The following SH3BP2 variants were observed in gnomAD, a reference collection of about 807,000 sequenced individuals.
SH3BP2 encodes SH3 domain-binding protein 2.
SH3BP2 carries 38 observed loss-of-function variants against 56.2 expected under a neutral mutation model. The ratio of observed to expected loss-of-function variants is 0.68; its 90% CI spans 0.52 to 0.89. SH3BP2 has a LOEUF of 0.89. SH3BP2 is among the 40% of genes least tolerant of loss of function. The pLI is 0.00. For missense variants in SH3BP2, 748 were observed against 762.6 expected, an observed-to-expected ratio of 0.98 and a Z score of 0.23; for synonymous variants, 346 against 316.7, an observed-to-expected ratio of 1.09 and a Z score of -0.98.
At chr4:2,814,395 C>T (rs755166501) in intron 1 of SH3BP2, among the ~76,000 whole-genome samples, 2 of 152,204 alleles carry the variant, frequency 1.3e-5, no homozygotes, top group African/African-American at 4.8e-5. Flanking sequence ...GCCTTGGGGT[C>T]ACCTGAACCA....
At chr4:2,818,647 A>T (rs1724129644) in intron 1 of SH3BP2, 2 of 891,228 alleles carry the variant, frequency 2.2e-6, no homozygotes, top group African/African-American at 1.8e-5. Flanking sequence ...CTCCATCCCC[A>T]CTGCGGGGCT....
chr4:2,832,202 C>T (rs555366707), intron 10 of SH3BP2, 129 bp from the exon 11 acceptor site: 42 of 1,022,784 alleles, frequency 4.1e-5, no homozygotes, highest in Middle Eastern at 2.0e-4. Flanking sequence ...CACGGCAGCC[C>T]GACGTGCTCA....
chr4:2,802,938 G>A (rs1248198668), intron 1 of SH3BP2, among the ~76,000 whole-genome samples: 1 of 152,192 alleles, frequency 6.6e-6, no homozygotes, highest in Non-Finnish European at 1.5e-5. Flanking sequence ...GAGGAGCCAT[G>A]ATGGGGGCCA....
At chr4:2,828,524 T>C (rs1724800638) in intron 7 of SH3BP2, among the ~76,000 whole-genome samples, 1 of 152,314 alleles carries the variant, frequency 6.6e-6, no homozygotes, top group South Asian at 2.1e-4. Flanking sequence ...TTTCCTTCCA[T>C]GCAGAGCTCT....
chr4:2,834,161 T>TG lies in SH3BP2; in HGVS notation c.*330dup, dbSNP rs1315396624. The TG allele has an allele frequency of 3.7e-6, 1 of 269,848 alleles. No individual in the cohort carries two copies. Among genetic ancestry groups the TG allele is most frequent in the Non-Finnish European group, 7.1e-6 (1 of 141,440 alleles). The allele number at this position is 269,848 out of a possible 1,614,324, so 16.7% of individuals were successfully genotyped here. A position where few individuals can be genotyped will look rare whatever the true frequency, so the allele number is the denominator to read the frequency against. Reference sequence around the variant, plus strand: ...TCCCCCCATCACACTCACCCCTAAGTGGGCTGGGAGCCAGGCAGGGCCAGG... The same window carrying TG: ...TCCCCCCATCACACTCACCCCTAAGTGGGGCTGGGAGCCAGGCAGGGCCAGG... On this transcript the variant is annotated 3_prime_UTR_variant, in exon 13 of 13. Coordinates refer to ENST00000503393, the MANE Select transcript of SH3BP2 (RefSeq NM_001122681.2).
intron 1 of SH3BP2, chr4:2,796,333 G>T: frequency 1.2e-6 from 1 of 851,840 alleles, no homozygotes; most frequent in Non-Finnish European, 1.4e-6. Context: ...TCCCAGGAGG[G>T]GAGAAAGGTG....
intron 1 of SH3BP2, among the ~76,000 whole-genome samples, chr4:2,814,372 G>A (rs1317067221): frequency 1.3e-5 from 2 of 152,194 alleles, no homozygotes; most frequent in Non-Finnish European, 2.9e-5. Context: ...GCCCCCCACC[G>A]CAGCAGCCTC....
At chr4:2,823,202 T>G (rs1309628573) in intron 3 of SH3BP2, among the ~76,000 whole-genome samples, 165 bp downstream of exon 3, 1 of 152,132 alleles carries the variant, frequency 6.6e-6, no homozygotes, top group African/African-American at 2.4e-5. Context: ...CCACAGTGCC[T>G]CGCCCTCTCC....
intron 1 of SH3BP2, chr4:2,799,246 A>G: frequency 2.0e-6 from 2 of 985,054 alleles, no homozygotes; most frequent in Non-Finnish European, 2.4e-6. Flanking sequence ...TCCCCTCGGG[A>G]CCCTCACCGC....
intron 1 of SH3BP2, chr4:2,812,096 A>G: frequency 8.6e-7 from 1 of 1,160,630 alleles, no homozygotes; most frequent in Non-Finnish European, 1.1e-6. Flanking sequence ...GCCTCTGACC[A>G]CAGGATGGGA....
At chr4:2,795,979 G>C (rs899301444) in intron 1 of SH3BP2, among the ~76,000 whole-genome samples, 21 of 152,170 alleles carry the variant, frequency 1.4e-4, no homozygotes, top group Admixed American at 3.3e-4. Context: ...AGCATTTCAG[G>C]CTCACTGGCT....
At chr4:2,797,834 C>G (rs1041002111) in intron 1 of SH3BP2, among the ~76,000 whole-genome samples, 1 of 152,196 alleles carries the variant, frequency 6.6e-6, no homozygotes, top group Non-Finnish European at 1.5e-5. Flanking sequence ...GCCTCCCACT[C>G]CTGGGCAGGG....
rs897656212 is a variant in SH3BP2, at chr4:2,835,563, G to A, written c.*1729G>A. ...TCTTTGCCCTGTCTGACCTGAACTT[G>A]CTTAGGGAGTCATGCCACTCCCCAC... is the stretch of plus-strand genomic sequence containing the variant. On this transcript the variant is annotated 3_prime_UTR_variant, in exon 13 of 13. Transcript: ENST00000503393. The A allele has an allele frequency of 2.0e-5, 3 of 152,210 alleles. No individual in the cohort carries two copies. The highest frequency in any genetic ancestry group is 7.2e-5 in the African/African-American group (3 of 41,426). The allele number at this position is 152,210 out of a possible 1,614,324, so 9.4% of individuals were successfully genotyped here. A position where few individuals can be genotyped will look rare whatever the true frequency, so the allele number is the denominator to read the frequency against.
At chr4:2,817,406 C>T (rs1023435548) in intron 1 of SH3BP2, among the ~76,000 whole-genome samples, 2 of 152,224 alleles carry the variant, frequency 1.3e-5, no homozygotes, top group African/African-American at 2.4e-5. Context: ...AGAGATGGGA[C>T]AGAGCCTCGA....
chr4:2,818,914 GA>G, intron 1 of SH3BP2: 1 of 984,952 alleles, frequency 1.0e-6, no homozygotes, highest in African/African-American at 1.7e-5. Context: ...TAAAAGCAGA[GA>G]GTATTTTTCT....
Position 2,830,832 on chromosome 4 carries a change from G to C in SH3BP2, c.1241+685G>C, listed in dbSNP as rs1027310089. Among the ~76,000 whole-genome samples the C allele has an allele frequency of 3.4e-4, 52 of 152,232 alleles. 1 individual carries two copies. The highest frequency in any genetic ancestry group is 1.3e-3 in the African/African-American group (52 of 41,450). On this transcript the variant is annotated intron_variant, in intron 8 of 12. Transcript: ENST00000503393. ...AACTGGAGGGGCAGGTTTCGCATGG[G>C]TGTGCTGGCCGGCACGCGCACCCCC...
In SH3BP2 at chr4:2,796,994, C is replaced by G. The variant is rs79894247; in HGVS notation, c.-5+3856C>G. Among the ~76,000 whole-genome samples, 665 of 152,322 alleles carry G rather than the reference C, an allele frequency of 4.4e-3. 6 individuals carry two copies. Among genetic ancestry groups the G allele is most frequent in the African/African-American group, 0.015 (630 of 41,574 alleles). On this transcript the variant is annotated intron_variant, in intron 1 of 12. Coordinates refer to ENST00000503393, the MANE Select transcript of SH3BP2 (RefSeq NM_001122681.2). ...AAATGGGGTGAAAGTAGGTCTAACT[C>G]ATGGGAGGCCAGATCCCCAGGCCCG...
In SH3BP2 at chr4:2,823,148, C is replaced by G; in HGVS notation, c.239+111C>G. ...TTCCCGCCCAAGGAAAGTGCTTTCC[C>G]GAAGCAGCCTTCGTGCCCATCCCCT... On this transcript the variant is annotated intron_variant, in intron 3 of 12. Transcript: ENST00000503393. The G allele has an allele frequency of 2.1e-5, 17 of 806,888 alleles. No individual in the cohort carries two copies. In the South Asian group the frequency reaches 2.5e-4, roughly 12 times the overall value. The allele number at this position is 806,888 out of a possible 1,614,324, so 50.0% of individuals were successfully genotyped here.
chr4:2,820,502 C>T, intron 1 of SH3BP2, 112 bp from the exon 2 acceptor site: 3 of 1,383,952 alleles, frequency 2.2e-6, no homozygotes, highest in Non-Finnish European at 3.1e-6. Flanking sequence ...CCTGTCATGG[C>T]CCTACCCTCC....
Sources: gnomAD v4.1 joint callset for allele counts (sites outside exome capture counted in the v4.1 genomes callset) on GRCh38, gnomAD v4.1.1 for gene constraint, MANE v1.5 for transcripts, NCBI Gene and HGNC (gene_info 2026-07-23, HGNC 2026-07-21) for gene names.